The following ZRANB3 variants were observed in gnomAD, a reference collection of about 807,000 sequenced individuals.
The protein encoded by ZRANB3 is DNA annealing helicase and endonuclease ZRANB3.
A neutral mutation model predicts 133.8 loss-of-function variants in ZRANB3; 125 were observed. The ratio of observed to expected loss-of-function variants is 0.93; its 90% confidence interval spans 0.81 to 1.08. The LOEUF (loss-of-function observed/expected upper bound fraction) is 1.08. ZRANB3 is among the 50% of genes least tolerant of loss of function. The pLI, the probability that ZRANB3 is intolerant of heterozygous loss-of-function variation, is 0.00. For synonymous variants in ZRANB3, 387 were observed against 432.7 expected (o/e 0.89, Z 1.31); for missense variants, 1,229 against 1,275.5 (o/e 0.96, Z 0.56).
Position 135,227,857 on chromosome 2 carries a change from G to T in ZRANB3, c.2113C>A (p.Pro705Thr), listed in dbSNP as rs768009873. The change falls in exon 14 of 21, where the codon CCA (proline) becomes ACA (threonine). Residue 705 changes from proline (P) to threonine (T), a missense_variant. Transcript: ENST00000264159. Reference sequence around the variant, plus strand: ...AGTCCGTCTTCTTTCTCAATTTTTGGTGTTTCTTCCTTGCTGTCAGCCAAC... The same window carrying T: ...AGTCCGTCTTCTTTCTCAATTTTTGTTGTTTCTTCCTTGCTGTCAGCCAAC... ...GQLADSKEET[P>T]KIEKEDGLTS... 3 of 1,577,160 alleles carry T rather than the reference G, an allele frequency of 1.9e-6. No homozygotes were observed. Among genetic ancestry groups the T allele is most frequent in the Non-Finnish European group, 2.6e-6 (3 of 1,159,552 alleles).
intron 2 of ZRANB3, among the ~76,000 whole-genome samples, chr2:135,408,201 G>T (rs1342246916): frequency 6.6e-6 from 1 of 152,108 alleles, no homozygotes; most frequent in South Asian, 2.1e-4. Context: ...AGACGTTTAT[G>T]CAGCCAAAAG....
chr2:135,341,998 G>A (rs186240103), intron 6 of ZRANB3, among the ~76,000 whole-genome samples: 1 of 149,878 alleles, frequency 6.7e-6, no homozygotes, highest in African/African-American at 2.5e-5. Context: ...CTACCCATTT[G>A]CCTTGTGATA....
chr2:135,404,646 T>C (rs1365706350), intron 2 of ZRANB3, among the ~76,000 whole-genome samples: 1 of 152,084 alleles, frequency 6.6e-6, no homozygotes, highest in Non-Finnish European at 1.5e-5. Context: ...AGACACACAA[T>C]TCTCAGATTC....
Position 135,345,600 on chromosome 2 carries a change from T to C in ZRANB3, c.627A>G (p.Lys209=), listed in dbSNP as rs373282188. The C allele has an allele frequency of 9.3e-6, 15 of 1,612,694 alleles. No homozygotes were observed. The African/African-American group carries it at 1.7e-4, about 19-fold the overall frequency. The change falls in exon 6 of 21, where the codon AAA becomes AAG. Residue 209 remains lysine (K), a synonymous_variant. Transcript: ENST00000264159. ...FMQIEALFPQ[K]FGRWTDYAKR... is the part of the protein sequence containing the mutation. The stretch of plus-strand genomic sequence containing the variant: ...TTGCATAGTCGGTCCATCTTCCAAA[T>C]TTTTGTGGAAAGAGAGCTTCAATCT...
At chr2:135,317,341 G>C (rs1341111570) in intron 6 of ZRANB3, among the ~76,000 whole-genome samples, 1 of 151,900 alleles carries the variant, frequency 6.6e-6, no homozygotes, top group Middle Eastern at 3.2e-3. Context: ...TTGATCACAC[G>C]GTCACAAAAA....
chr2:135,207,648 T>C lies in ZRANB3; in HGVS notation c.2795A>G (p.Asp932Gly). 1.9e-6 allele frequency: 3 copies of C among 1,613,992 alleles called. No homozygotes were observed. In the Admixed American group the frequency reaches 5.0e-5, roughly 27 times the overall value. The stretch of plus-strand genomic sequence containing the variant: ...ACATTTCAGAGAGCAAAACCGTGAA[T>C]CCCAAGAGTTCGCTTTACATGCTTG... ...TKQACKANSW[D>G]SRFCSLKCQE... The change falls in exon 19 of 21, where the codon GAT (aspartate) becomes GGT (glycine). Residue 932 changes from aspartate (D) to glycine (G), a missense_variant. Coordinates refer to ENST00000264159, the MANE Select transcript of ZRANB3 (RefSeq NM_032143.4).
intron 12 of ZRANB3, among the ~76,000 whole-genome samples, chr2:135,248,278 G>A (rs775162692): frequency 6.6e-6 from 1 of 152,246 alleles, no homozygotes; most frequent in Non-Finnish European, 1.5e-5. Flanking sequence ...TATTGAGCCA[G>A]TAGCTGCTCG....
chr2:135,446,683 T>C (rs1265294321), intron 2 of ZRANB3, among the ~76,000 whole-genome samples: 4 of 152,090 alleles, frequency 2.6e-5, no homozygotes, highest in African/African-American at 4.8e-5. Flanking sequence ...TTGAGGAAAG[T>C]ATTAGAATGA....
chr2:135,205,258 T>G (rs1239292806), intron 19 of ZRANB3, among the ~76,000 whole-genome samples: 3 of 152,190 alleles, frequency 2.0e-5, no homozygotes, highest in Non-Finnish European at 4.4e-5. Flanking sequence ...CTTTTTAAAT[T>G]AAGCACATTA....
intron 2 of ZRANB3, among the ~76,000 whole-genome samples, chr2:135,414,139 T>A (rs1014633888): frequency 3.3e-5 from 5 of 152,018 alleles, no homozygotes; most frequent in East Asian, 1.9e-4. Context: ...AAATGCTCCA[T>A]TTAAAAGACA....
chr2:135,308,731 G>A (rs1682822584), intron 8 of ZRANB3, among the ~76,000 whole-genome samples: 1 of 152,096 alleles, frequency 6.6e-6, no homozygotes, highest in Non-Finnish European at 1.5e-5. Flanking sequence ...TTCCCAAAGT[G>A]CTGGGATTAC....
intron 7 of ZRANB3, among the ~76,000 whole-genome samples, chr2:135,313,984 C>T (rs1683131963): frequency 1.3e-5 from 2 of 152,142 alleles, no homozygotes; most frequent in Admixed American, 1.3e-4. Flanking sequence ...CCTGCCTCAG[C>T]CTCCCAAGTA....
chr2:135,357,127 C>G (rs1446645351), intron 3 of ZRANB3, among the ~76,000 whole-genome samples: 1 of 152,066 alleles, frequency 6.6e-6, no homozygotes, highest in African/African-American at 2.4e-5. Context: ...GAGACAGTGT[C>G]ACTCTGTCAC....
chr2:135,288,779 A>G (rs535447230), intron 8 of ZRANB3, among the ~76,000 whole-genome samples: 2 of 151,776 alleles, frequency 1.3e-5, no homozygotes, highest in Non-Finnish European at 2.9e-5. Context: ...AATTGAGCCT[A>G]CTTGGATCTT....
At chr2:135,262,366 A>G (rs1230649733) in intron 12 of ZRANB3, among the ~76,000 whole-genome samples, 2 of 152,092 alleles carry the variant, frequency 1.3e-5, no homozygotes, top group African/African-American at 2.4e-5. Context: ...CTTCACATTA[A>G]ATTTTTAATT....
intron 1 of ZRANB3, among the ~76,000 whole-genome samples, chr2:135,515,252 G>GA (rs1269498567): frequency 6.6e-6 from 1 of 152,128 alleles, no homozygotes; most frequent in African/African-American, 2.4e-5. Flanking sequence ...ATTCGGCCGT[G>GA]AATCTGTCTG....
At chr2:135,490,235 G>A (rs1007059748) in intron 2 of ZRANB3, among the ~76,000 whole-genome samples, 2 of 152,128 alleles carry the variant, frequency 1.3e-5, no homozygotes, top group Non-Finnish European at 2.9e-5. Context: ...TTTAGAATAC[G>A]AGAGAAAATA....
At chr2:135,402,357 C>T (rs530102151) in intron 2 of ZRANB3, among the ~76,000 whole-genome samples, 12 of 150,604 alleles carry the variant, frequency 8.0e-5, no homozygotes, top group South Asian at 6.3e-4. Context: ...TGCAGTGGCA[C>T]GATCTTGGCT....
chr2:135,313,576 T>C lies in ZRANB3; in HGVS notation c.879A>G (p.Glu293=), dbSNP rs747992412. The C allele has an allele frequency of 6.2e-7, 1 of 1,613,762 alleles. No individual in the cohort carries two copies. Among genetic ancestry groups the C allele is most frequent in the South Asian group, 1.1e-5 (1 of 91,012 alleles). ...CTGAATTTGGAGTTCTCATTATTTT[T>C]TCCCACTCTTCAAAGCTGGTATTCA... ...KELNTSFEEW[E]KIMRTPNSGA... is the part of the protein sequence containing the mutation. The change falls in exon 8 of 21, where the codon GAA becomes GAG. Residue 293 remains glutamate (E), a synonymous_variant. Transcript: ENST00000264159.
Sources: allele counts gnomAD v4.1 joint callset (sites outside exome capture counted in the v4.1 genomes callset), GRCh38; gene constraint gnomAD v4.1.1; transcripts MANE v1.5; gene names NCBI Gene and HGNC (gene_info 2026-07-23, HGNC 2026-07-21).